The following DBH variants were observed in gnomAD, a reference collection of about 807,000 sequenced individuals.
DBH encodes dopamine beta-hydroxylase (dopamine beta-monooxygenase).
DBH carries 49 observed loss-of-function variants against 64.0 expected under a neutral mutation model. That is an observed-to-expected ratio of 0.77 (90% CI 0.61 to 0.97). The LOEUF (loss-of-function observed/expected upper bound fraction) is 0.97, where lower values mean the gene tolerates loss of function less well. Among genes scored for constraint, DBH ranks in the 50% least tolerant of loss-of-function variants. The pLI is 0.00. For synonymous variants in DBH, 343 were observed against 347.1 expected (o/e 0.99, Z 0.13); for missense variants, 828 against 826.6 (o/e 1.00, Z -0.02).
chr9:133,648,068 A>G, intron 6 of DBH, 56 bp downstream of exon 6: 4 of 1,561,028 alleles, frequency 2.6e-6, no homozygotes, highest in Non-Finnish European at 3.5e-6. Context: ...CCCTCAGTGG[A>G]GGCCTGGCAG....
At chr9:133,644,841 G>T (rs762432252) in intron 5 of DBH, among the ~76,000 whole-genome samples, 1 of 152,166 alleles carries the variant, frequency 6.6e-6, no homozygotes, top group Non-Finnish European at 1.5e-5. Context: ...TCAGCTTTTA[G>T]CATGGCAAGG....
intron 2 of DBH, 97 bp from the exon 3 acceptor site, chr9:133,642,110 C>T: frequency 6.6e-7 from 1 of 1,520,826 alleles, no homozygotes; most frequent in South Asian, 1.1e-5. Context: ...GGTGTGTCAC[C>T]TGGTAGGTGT....
chr9:133,657,438 GAGAGGA>G, intron 11 of DBH: 2 of 541,160 alleles, frequency 3.7e-6, no homozygotes, highest in South Asian at 4.1e-5. Context: ...AGAGAGGAGA[GAGAGGA>G]GAGAGAGGAG....
At position 133,658,867 on chromosome 9, in the gene DBH, TGCAGCGGGTGCGGGTGC is replaced by T. The variant is rs1045588998; in HGVS notation, c.*421_*437del. The T allele has an allele frequency of 6.4e-6, 1 of 155,740 alleles. No individual in the cohort carries two copies. Among genetic ancestry groups the T allele is most frequent in the African/African-American group, 2.4e-5 (1 of 41,578 alleles). The allele number at this position is 155,740 out of a possible 1,614,324, so 9.6% of individuals were successfully genotyped here. On this transcript the variant is annotated 3_prime_UTR_variant, in exon 12 of 12. Transcript: ENST00000393056. ...CGCCCCCGCCCCGCTGCTCCCGGTG[TGCAGCGGGTGCGGGTGC>T]CGCTTAAACATTTCCCTGCTGAGTG...
intron 2 of DBH, among the ~76,000 whole-genome samples, chr9:133,640,868 T>C (rs1832109264): frequency 6.6e-6 from 1 of 152,232 alleles, no homozygotes; most frequent in Non-Finnish European, 1.5e-5. Context: ...GAGGCTTTCT[T>C]GGGGTTTCCA....
rs1832374885 is a variant in DBH at position 133,658,970 on chromosome 9, T to C, written c.*523T>C. On this transcript the variant is annotated 3_prime_UTR_variant, in exon 12 of 12. Coordinates refer to ENST00000393056, the MANE Select transcript of DBH (RefSeq NM_000787.4). ...GAGGCAGGACCAGGCATTTAGCTAG[T>C]TAGAGACTCGCCTGGGAAATTGCTC... 2 of 152,036 alleles carry C rather than the reference T, an allele frequency of 1.3e-5. No individual in the cohort carries two copies. The highest frequency in any genetic ancestry group is 2.9e-5 in the Non-Finnish European group (2 of 68,096). The allele number at this position is 152,036 out of a possible 1,614,324, so 9.4% of individuals were successfully genotyped here.
rs771304952 is a variant in DBH at position 133,643,424 on chromosome 9, C to T, written c.756C>T (p.Ile252=). ...CTGCCTCCTCACAGTACGAGCCCAT[C>T]GTCACCAAGGGCAATGAGGCCCTTG... ...SRHHIIKYEP[I]VTKGNEALVH... is the part of the protein sequence containing the mutation. Residue 252 remains isoleucine, a synonymous_variant, in exon 4 of 12, where the codon ATC becomes ATT. Coordinates refer to ENST00000393056, the MANE Select transcript of DBH (RefSeq NM_000787.4). The surrounding 1 kb of genome is among the most constrained non-coding windows in gnomAD (Gnocchi z 5.3). 7.4e-6 allele frequency: 12 copies of T among 1,613,862 alleles called. No homozygotes were observed. Among genetic ancestry groups the T allele is most frequent in the Middle Eastern group, 1.6e-4 (1 of 6,062 alleles).
At chr9:133,658,245 AAGTGGCTGGGG>A (rs1832360641) in intron 11 of DBH, 60 bp from the exon 12 acceptor site, 2 of 1,583,176 alleles carry the variant, frequency 1.3e-6, no homozygotes, top group South Asian at 1.1e-5. Context: ...GGTGGCTGGG[AAGTGGCTGGGG>A]AAGCAGCCAC....
At chr9:133,640,063 C>T (rs1167136125) in intron 2 of DBH, 71 bp downstream of exon 2, 1 of 1,581,140 alleles carries the variant, frequency 6.3e-7, no homozygotes, top group Non-Finnish European at 8.7e-7. Context: ...GTGCCAATGT[C>T]ATAGTACCTT....
intron 9 of DBH, among the ~76,000 whole-genome samples, chr9:133,653,302 C>A (rs1344040131): frequency 1.3e-5 from 2 of 152,168 alleles, no homozygotes; most frequent in African/African-American, 2.4e-5. Flanking sequence ...GAAGCACTCA[C>A]ACCAAGAAGC....
chr9:133,637,223 C>T (rs917460962), intron 1 of DBH, among the ~76,000 whole-genome samples: 69 of 152,246 alleles, frequency 4.5e-4, no homozygotes, highest in African/African-American at 1.5e-3. Context: ...CAGGTGCAGA[C>T]ACCCTGCCCC....
chr9:133,656,504 G>T lies in DBH; in HGVS notation c.1435-19G>T, dbSNP rs2131294873. Reference sequence around the variant, plus strand: ...TGCGTGGCATGGCCCGGGGCTGACGGGTCTCCTCCAACTTGCAGGGGGGCT... The same window carrying T: ...TGCGTGGCATGGCCCGGGGCTGACGTGTCTCCTCCAACTTGCAGGGGGGCT... On this transcript the variant is annotated intron_variant, in intron 9 of 11. Transcript: ENST00000393056. 6.2e-7 allele frequency: 1 copy of T among 1,613,578 alleles called. No individual in the cohort carries two copies. The highest frequency in any genetic ancestry group is 8.5e-7 in the Non-Finnish European group (1 of 1,179,952).
chr9:133,646,403 G>A (rs373122520), intron 5 of DBH, among the ~76,000 whole-genome samples: 1 of 152,106 alleles, frequency 6.6e-6, no homozygotes, highest in African/African-American at 2.4e-5. Context: ...CGCCAACCAT[G>A]AGCCCAGCCG....
intron 6 of DBH, among the ~76,000 whole-genome samples, chr9:133,649,546 G>C (rs6479643): frequency 0.42 from 64,215 of 152,062 alleles, 13,976 homozygotes; most frequent in East Asian, 0.74. Flanking sequence ...CTTCATGTGG[G>C]TGAGCCCCCA....
chr9:133,639,350 C>T (rs575236009), intron 1 of DBH, among the ~76,000 whole-genome samples: 6 of 152,248 alleles, frequency 3.9e-5, no homozygotes, highest in African/African-American at 1.2e-4. Flanking sequence ...AGATGTGGCA[C>T]CCTGGTTTCT....
In DBH at chr9:133,645,534, A is replaced by G. The variant is rs114847744; in HGVS notation, c.1024+1214A>G. On this transcript the variant is annotated intron_variant, in intron 5 of 11. Transcript: ENST00000393056. ...TTTTCTATAAATATCAAAATCCCAC[A>G]ATTATTTCATGATTTAATCCCCATC... is the stretch of plus-strand genomic sequence containing the variant. Among the ~76,000 whole-genome samples, 488 of 152,258 alleles carry G rather than the reference A, an allele frequency of 3.2e-3. 3 individuals are homozygous for G. The highest frequency in any genetic ancestry group is 0.011 in the African/African-American group (459 of 41,556).
rs375806157 is a variant in DBH, at chr9:133,647,936, C to T, written c.1115C>T (p.Thr372Met). The change falls in exon 6 of 12, where the codon ACG (threonine) becomes ATG (methionine). Residue 372 changes from threonine to methionine, a missense_variant. By Grantham distance (81) the Thr-to-Met change is moderately conservative (BLOSUM62 -1). Coordinates refer to ENST00000393056, the MANE Select transcript of DBH (RefSeq NM_000787.4). ...ATCATGGAGCTGGGACTGGTGTACACGCCAGTGATGGCCATTCCACCACGG... is the reference window on the plus strand; with the variant it reads ...ATCATGGAGCTGGGACTGGTGTACATGCCAGTGATGGCCATTCCACCACGG... ...AGIMELGLVY[T>M]PVMAIPPRET... is the part of the protein sequence containing the mutation. 5.1e-5 allele frequency: 82 copies of T among 1,614,148 alleles called. 1 individual carries two copies. The Middle Eastern group carries it at 1.3e-3, about 26-fold the overall frequency.
Position 133,640,034 on chromosome 9 carries a change from T to C in DBH, c.486+42T>C, listed in dbSNP as rs1357400392. The C allele has an allele frequency of 2.5e-6, 4 of 1,610,546 alleles. No individual in the cohort carries two copies. In the Admixed American group the frequency reaches 5.0e-5, roughly 20 times the overall value. ...AGTACCCAGGAGGGCGTGGGCTGCGTGTATCATGCTGCCATCCTGTGCCAA... is the reference window on the plus strand; with the variant it reads ...AGTACCCAGGAGGGCGTGGGCTGCGCGTATCATGCTGCCATCCTGTGCCAA... On this transcript the variant is annotated intron_variant, in intron 2 of 11. Coordinates refer to ENST00000393056, the MANE Select transcript of DBH (RefSeq NM_000787.4).
chr9:133,647,903 A>G lies in DBH; in HGVS notation c.1082A>G (p.Asn361Ser). The G allele has an allele frequency of 6.2e-7, 1 of 1,614,206 alleles. No homozygotes were observed. Among genetic ancestry groups the G allele is most frequent in the South Asian group, 1.1e-5 (1 of 91,088 alleles). The change falls in exon 6 of 12, where the codon AAC becomes AGC. Residue 361 changes from asparagine to serine, a missense_variant. Physicochemically the swap from Asn to Ser is conservative, Grantham distance 46. Transcript: ENST00000393056. ...LYYTAKLRRF[N>S]AGIMELGLVY... ...TACACAGCCAAGCTGCGGCGCTTCA[A>G]CGCGGGGATCATGGAGCTGGGACTG... is the stretch of plus-strand genomic sequence containing the variant.
Sources: gnomAD v4.1 joint callset for allele counts (sites outside exome capture counted in the v4.1 genomes callset) on GRCh38, gnomAD v4.1.1 for gene constraint, Gnocchi (gnomAD v3.1) non-coding constraint, MANE v1.5 for transcripts, NCBI Gene and HGNC (gene_info 2026-07-23, HGNC 2026-07-21) for gene names.